PTPRK: variants seen among roughly 807,000 people sequenced by gnomAD.
PTPRK encodes the protein protein tyrosine phosphatase receptor type K, also known as receptor-type tyrosine-protein phosphatase kappa.
Under a neutral mutation model 178.0 loss-of-function variants are expected in PTPRK, and 75 were observed. The observed-to-expected ratio is 0.42, with a 90% CI of 0.35 to 0.51. The LOEUF (loss-of-function observed/expected upper bound fraction) is 0.51, where lower values mean the gene tolerates loss of function less well. Ranked by LOEUF, PTPRK falls within the 20% of genes least tolerant of loss-of-function variation. The probability of loss-of-function intolerance (pLI) is 0.02; values close to 1 mark genes in which losing one functional copy is unlikely to be tolerated. For synonymous variants in PTPRK, 637 were observed against 620.6 expected (o/e 1.03, Z -0.39); for missense variants, 1,441 against 1,797.8 (o/e 0.80, Z 3.59).
At chr6:128,126,616 A>G (rs1051984553) in intron 7 of PTPRK, among the ~76,000 whole-genome samples, 1 of 152,104 alleles carries the variant, frequency 6.6e-6, no homozygotes, top group African/African-American at 2.4e-5. Context: ...CCTCCCAGGT[A>G]GCTGGAACCA....
intron 5 of PTPRK, among the ~76,000 whole-genome samples, chr6:128,226,891 A>G (rs962113117): frequency 2.0e-5 from 3 of 151,022 alleles, no homozygotes; most frequent in African/African-American, 7.3e-5. Context: ...AAGTGCTTCT[A>G]GAGAATCAGA....
At chr6:127,982,278 C>CT (rs1000078088) in intron 24 of PTPRK, among the ~76,000 whole-genome samples, 8 of 149,700 alleles carry the variant, frequency 5.3e-5, no homozygotes, top group South Asian at 2.1e-4. Context: ...GTTATTATTT[C>CT]TTTTTTTTTT....
chr6:128,075,168 T>C (rs1391978547), intron 11 of PTPRK, among the ~76,000 whole-genome samples: 2 of 152,032 alleles, frequency 1.3e-5, no homozygotes, highest in Admixed American at 1.3e-4. Context: ...TACCTGCATT[T>C]CCATTGCTAC....
intron 7 of PTPRK, among the ~76,000 whole-genome samples, chr6:128,178,686 T>TCTAC (rs1259423727): frequency 1.3e-5 from 2 of 151,608 alleles, no homozygotes; most frequent in East Asian, 3.9e-4. Flanking sequence ...TATCTATCTA[T>TCTAC]CTATCTATCT....
chr6:128,156,722 T>C (rs756149652), intron 7 of PTPRK, among the ~76,000 whole-genome samples: 25 of 151,994 alleles, frequency 1.6e-4, no homozygotes, highest in Non-Finnish European at 2.6e-4. Context: ...ACAATCGTTA[T>C]TTAAGAAAAT....
At chr6:128,454,379 A>G (rs944862831) in intron 1 of PTPRK, among the ~76,000 whole-genome samples, 23 of 152,242 alleles carry the variant, frequency 1.5e-4, no homozygotes, top group African/African-American at 3.6e-4. Context: ...AATAGCAAAG[A>G]TTTGTGATGT....
At chr6:127,996,108 T>C (rs1777119038) in intron 17 of PTPRK, among the ~76,000 whole-genome samples, 1 of 152,112 alleles carries the variant, frequency 6.6e-6, no homozygotes, top group Non-Finnish European at 1.5e-5. Flanking sequence ...TTTTGTCTGA[T>C]AATGACTTTA....
intron 3 of PTPRK, among the ~76,000 whole-genome samples, chr6:128,257,915 T>C (rs529314423): frequency 6.0e-4 from 91 of 152,264 alleles, no homozygotes; most frequent in Non-Finnish European, 1.2e-3. Flanking sequence ...TCAACTAATC[T>C]AGTTCAAAGT....
chr6:128,238,228 TA>T (rs1411168074), intron 5 of PTPRK: 56 of 338,140 alleles, frequency 1.7e-4, no homozygotes, highest in Non-Finnish European at 2.6e-4. Flanking sequence ...AGAGGTGAGG[TA>T]GGGGAGAAAG....
chr6:128,108,069 A>AACAC (rs67513455), intron 7 of PTPRK, among the ~76,000 whole-genome samples: 5,360 of 133,786 alleles, frequency 0.04, 114 homozygotes, highest in South Asian at 0.056. Flanking sequence ...TAAATAGCAA[A>AACAC]ACACACACAC....
intron 7 of PTPRK, among the ~76,000 whole-genome samples, chr6:128,101,821 T>A (rs1788838336): frequency 6.6e-6 from 1 of 152,202 alleles, no homozygotes; most frequent in Admixed American, 6.5e-5. Context: ...TATGTACCAT[T>A]ATCTATTTCA....
intron 7 of PTPRK, among the ~76,000 whole-genome samples, chr6:128,101,677 G>A (rs1788810916): frequency 6.6e-6 from 1 of 152,094 alleles, no homozygotes; most frequent in Non-Finnish European, 1.5e-5. Context: ...ACAAAATACA[G>A]TAAAATGCCT....
At chr6:128,327,240 GA>G (rs1417300264) in intron 2 of PTPRK, among the ~76,000 whole-genome samples, 1 of 152,004 alleles carries the variant, frequency 6.6e-6, no homozygotes, top group Non-Finnish European at 1.5e-5. Flanking sequence ...CAATAGCAAA[GA>G]AAATAATTCA....
intron 3 of PTPRK, among the ~76,000 whole-genome samples, chr6:128,303,315 C>G (rs1825912168): frequency 6.6e-6 from 1 of 152,138 alleles, no homozygotes; most frequent in Non-Finnish European, 1.5e-5. Context: ...AAACTCTACC[C>G]CCTAGATTCA....
intron 13 of PTPRK, among the ~76,000 whole-genome samples, chr6:128,027,036 C>G (rs1774431456): frequency 6.6e-6 from 1 of 152,080 alleles, no homozygotes; most frequent in African/African-American, 2.4e-5. Flanking sequence ...CTCACAGTGC[C>G]CAGAAAACTG....
intron 3 of PTPRK, among the ~76,000 whole-genome samples, chr6:128,301,065 C>A (rs1825527138): frequency 6.6e-6 from 1 of 151,918 alleles, no homozygotes; most frequent in South Asian, 2.1e-4. Flanking sequence ...TTTCTTTGAC[C>A]CATTGTTACA....
chr6:128,054,749 C>T (rs1340117356), intron 13 of PTPRK, among the ~76,000 whole-genome samples: 1 of 152,190 alleles, frequency 6.6e-6, no homozygotes, highest in Non-Finnish European at 1.5e-5. Context: ...TCCTTGAAGA[C>T]AGATTCATTC....
intron 14 of PTPRK, chr6:128,006,050 C>T: frequency 1.9e-6 from 3 of 1,568,442 alleles, no homozygotes; most frequent in South Asian, 1.2e-5. Context: ...AGAATAGTAG[C>T]TCCTCCTGGC....
At chr6:128,357,019 G>A (rs368252522) in intron 2 of PTPRK, among the ~76,000 whole-genome samples, 53 of 152,292 alleles carry the variant, frequency 3.5e-4, no homozygotes, top group African/African-American at 1.2e-3. Flanking sequence ...TGGAGCTGGG[G>A]TTTGAATACT....
Sources: gnomAD v4.1 joint callset for allele counts (sites outside exome capture counted in the v4.1 genomes callset) on GRCh38, gnomAD v4.1.1 for gene constraint, MANE v1.5 for transcripts, NCBI Gene and HGNC (gene_info 2026-07-23, HGNC 2026-07-21) for gene names.